The following SLC40A1 variants were observed in gnomAD, a reference collection of about 807,000 sequenced individuals.
SLC40A1 encodes the protein ferroportin.
In SLC40A1, 16 loss-of-function variants were observed where a neutral mutation model predicts 53.5. The observed-to-expected ratio is 0.30, with a 90% CI of 0.20 to 0.45. SLC40A1 has a LOEUF of 0.45. Ranked by LOEUF, SLC40A1 falls within the 20% of genes least tolerant of loss-of-function variation. The probability of loss-of-function intolerance (pLI) is 1.00; values close to 1 mark genes in which losing one functional copy is unlikely to be tolerated. For missense variants in SLC40A1, 545 were observed against 695.4 expected, an observed-to-expected ratio of 0.78 and a Z score of 2.43; for synonymous variants, 247 against 253.2, an observed-to-expected ratio of 0.98 and a Z score of 0.23.
chr2:189,573,638 T>G (rs974352874), intron 3 of SLC40A1, among the ~76,000 whole-genome samples: 10 of 152,202 alleles, frequency 6.6e-5, no homozygotes, highest in Non-Finnish European at 1.2e-4. Flanking sequence ...GCAGGATACC[T>G]AACATCTCTT....
At position 189,580,758 on chromosome 2, in the gene SLC40A1, A is replaced by C. The variant is rs1202944965; in HGVS notation, c.-298T>G. The C allele has an allele frequency of 7.6e-7, 1 of 1,319,358 alleles. No homozygotes were observed. Among genetic ancestry groups the C allele is most frequent in the Admixed American group, 3.3e-5 (1 of 30,208 alleles). 81.7% of individuals were successfully genotyped at this position (1,319,358 alleles called of 1,614,324 possible). ...TCGTCCGAGCCTAGCGGACGCCCTG[A>C]GCCAGCTCTCTCCGCCGCCGCCGCC... On this transcript the variant is annotated 5_prime_UTR_variant, in exon 1 of 8. Transcript: ENST00000261024.
intron 2 of SLC40A1, among the ~76,000 whole-genome samples, chr2:189,579,482 C>A (rs77459149): frequency 1.9e-3 from 293 of 152,266 alleles, no homozygotes; most frequent in African/African-American, 6.5e-3. Context: ...AGACATCCAT[C>A]CATCTTTTGT....
chr2:189,565,342 T>C lies in SLC40A1; in HGVS notation c.760+12A>G. 3 of 1,614,182 alleles carry C rather than the reference T, an allele frequency of 1.9e-6. No homozygotes were observed. Among genetic ancestry groups the C allele is most frequent in the East Asian group, 2.2e-5 (1 of 44,890 alleles). Reference sequence around the variant, plus strand: ...ATGAGAACAAAAGGAGAGATCATTGTGTTCAGTTTACCTTTGTGTAAATTC... The same window carrying C: ...ATGAGAACAAAAGGAGAGATCATTGCGTTCAGTTTACCTTTGTGTAAATTC... On this transcript the variant is annotated intron_variant, in intron 6 of 7. Coordinates refer to ENST00000261024, the MANE Select transcript of SLC40A1 (RefSeq NM_014585.6).
Position 189,563,571 on chromosome 2 carries a change from A to G in SLC40A1, c.1402+13T>C. On this transcript the variant is annotated intron_variant, in intron 7 of 7. Coordinates refer to ENST00000261024, the MANE Select transcript of SLC40A1 (RefSeq NM_014585.6). Reference sequence around the variant, plus strand: ...CACTTTAGTTCATTAATATATAAAAAGAGATTTCTTACCGATTCTAGCAGC... The same window carrying G: ...CACTTTAGTTCATTAATATATAAAAGGAGATTTCTTACCGATTCTAGCAGC... 6.2e-7 allele frequency: 1 copy of G among 1,611,214 alleles called. No homozygotes were observed. The highest frequency in any genetic ancestry group is 8.5e-7 in the Non-Finnish European group (1 of 1,178,440).
chr2:189,563,889 T>C lies in SLC40A1; in HGVS notation c.1097A>G (p.Lys366Arg). 1 of 1,614,118 alleles carries C rather than the reference T, an allele frequency of 6.2e-7. No homozygotes were observed. The highest frequency in any genetic ancestry group is 8.5e-7 in the Non-Finnish European group (1 of 1,180,022). The change falls in exon 7 of 8, where the codon AAA becomes AGA. Residue 366 changes from lysine (K) to arginine (R), a missense_variant. This residue lies in a region of SLC40A1 where 234 missense variants were observed against 299.0 expected (regional missense o/e 0.78). Transcript: ENST00000261024. ...GTVAFTWLRR[K>R]CGLVRTGLIS... ...CAGACCTGTCCGAACCAAACCACAT[T>C]TTCGACGTAGCCAAGTAAAAGCTAC... is the stretch of plus-strand genomic sequence containing the variant.
Position 189,580,769 on chromosome 2 carries a change from T to TCCTCCG in SLC40A1, c.-310_-309insCGGAGG, listed in dbSNP as rs1553495734. 8.3e-7 allele frequency: 1 copy of TCCTCCG among 1,206,880 alleles called. No homozygotes were observed. The highest frequency in any genetic ancestry group is 1.1e-6 in the Non-Finnish European group (1 of 951,818). 74.8% of individuals were successfully genotyped at this position (1,206,880 alleles called of 1,614,324 possible). On this transcript the variant is annotated 5_prime_UTR_variant, in exon 1 of 8. Transcript: ENST00000261024. ...TAGCGGACGCCCTGAGCCAGCTCTCTCCGCCGCCGCCGCCGCCGCCGTGGG... is the reference window on the plus strand; with the variant it reads ...TAGCGGACGCCCTGAGCCAGCTCTCTCCTCCGCCGCCGCCGCCGCCGCCGCCGTGGG...
In SLC40A1 at chr2:189,564,219, T is replaced by A. The variant is rs1424314710; in HGVS notation, c.767A>T (p.Glu256Val). The change falls in exon 7 of 8, where the codon GAG (glutamate) becomes GTG (valine). Residue 256 changes from glutamate (E) to valine (V), a missense_variant. Glu to Val is a moderately radical substitution (Grantham distance 121, BLOSUM62 -2). Coordinates refer to ENST00000261024, the MANE Select transcript of SLC40A1 (RefSeq NM_014585.6). ...ATGAGTTCCCTCCAGGGGTTTTGGC[T>A]CAGTATCTGTTAAGAAAAGATACCA... ...LKQLNLHKDTEPKPLEGTHLM... is the reference protein window; with the variant it reads ...LKQLNLHKDTVPKPLEGTHLM... The A allele has an allele frequency of 1.4e-5, 22 of 1,613,784 alleles. No homozygotes were observed. The highest frequency in any genetic ancestry group is 1.9e-5 in the Non-Finnish European group (22 of 1,179,658).
intron 3 of SLC40A1, 25 bp downstream of exon 3, chr2:189,575,136 G>A (rs777788694): frequency 1.2e-6 from 2 of 1,613,210 alleles, no homozygotes; most frequent in African/African-American, 2.7e-5. Context: ...TGAATAAAAG[G>A]GCTTAATTAT....
chr2:189,576,751 G>T (rs2105633305), intron 2 of SLC40A1, among the ~76,000 whole-genome samples: 1 of 152,284 alleles, frequency 6.6e-6, no homozygotes, highest in African/African-American at 2.4e-5. Flanking sequence ...CAAATGATAG[G>T]TTGCCTCTGT....
chr2:189,579,691 C>T (rs1242431481), intron 2 of SLC40A1, 122 bp downstream of exon 2: 2 of 864,616 alleles, frequency 2.3e-6, no homozygotes, highest in African/African-American at 1.7e-5. Context: ...AGCATGTGTA[C>T]TTGGATGATT....
chr2:189,579,088 C>T (rs1413868725), intron 2 of SLC40A1, among the ~76,000 whole-genome samples: 1 of 152,114 alleles, frequency 6.6e-6, no homozygotes, highest in African/African-American at 2.4e-5. Context: ...ATATCTAGCA[C>T]CCTTCTAGTT....
intron 5 of SLC40A1, among the ~76,000 whole-genome samples, chr2:189,566,022 ATATG>A (rs1168528252): frequency 6.6e-6 from 1 of 152,092 alleles, no homozygotes; most frequent in Admixed American, 6.6e-5. Flanking sequence ...ATCAACAAGC[ATATG>A]TGTGTGTGTG....
chr2:189,573,709 A>G (rs1019641792), intron 3 of SLC40A1, among the ~76,000 whole-genome samples: 1 of 152,214 alleles, frequency 6.6e-6, no homozygotes, highest in Non-Finnish European at 1.5e-5. Context: ...TAGGGTCATA[A>G]TGATGCTCAA....
In SLC40A1 at chr2:189,564,084, G is replaced by A; in HGVS notation, c.902C>T (p.Ser301Phe). ...PFRTFRDGWV[S>F]YYNQPVFLAG... ...CAGAAACACAGGCTGGTTGTAGTAG[G>A]AGACCCATCCATCTCGGAAGGTACG... The change falls in exon 7 of 8, where the codon TCC becomes TTC. Residue 301 changes from serine to phenylalanine, a missense_variant. Coordinates refer to ENST00000261024, the MANE Select transcript of SLC40A1 (RefSeq NM_014585.6). The A allele has an allele frequency of 1.2e-6, 2 of 1,611,234 alleles. No homozygotes were observed. The highest frequency in any genetic ancestry group is 1.7e-6 in the Non-Finnish European group (2 of 1,178,038).
Position 189,560,764 on chromosome 2 carries a change from A to T in SLC40A1, c.*1114T>A, listed in dbSNP as rs1255810280. 3 of 152,672 alleles carry T rather than the reference A, an allele frequency of 2.0e-5. No individual in the cohort carries two copies. Among genetic ancestry groups the T allele is most frequent in the Admixed American group, 6.5e-5 (1 of 15,282 alleles). 9.5% of individuals were successfully genotyped at this position (152,672 alleles called of 1,614,324 possible). A position where few individuals can be genotyped will look rare whatever the true frequency, so the allele number is the denominator to read the frequency against. On this transcript the variant is annotated 3_prime_UTR_variant, in exon 8 of 8. Coordinates refer to ENST00000261024, the MANE Select transcript of SLC40A1 (RefSeq NM_014585.6). ...GAAAGTGCATATAAACGGTTAAGGC[A>T]AAGTACCATCTTGGTACAGACATGT... is the stretch of plus-strand genomic sequence containing the variant.
At chr2:189,568,538 T>C (rs965297453) in intron 5 of SLC40A1, among the ~76,000 whole-genome samples, 1 of 151,814 alleles carries the variant, frequency 6.6e-6, no homozygotes, top group African/African-American at 2.4e-5. Flanking sequence ...TAGAAAAGAA[T>C]CAGTCTTATG....
intron 4 of SLC40A1, 100 bp from the exon 5 acceptor site, chr2:189,571,941 T>C: frequency 1.2e-6 from 1 of 806,444 alleles, no homozygotes; most frequent in Non-Finnish European, 2.2e-6. Context: ...GGTGGAATGA[T>C]AAAAAAAGTA....
intron 5 of SLC40A1, among the ~76,000 whole-genome samples, chr2:189,566,303 TAA>T (rs1211839479): frequency 6.6e-6 from 1 of 152,156 alleles, no homozygotes; most frequent in Non-Finnish European, 1.5e-5. Context: ...AAAGCTGATT[TAA>T]GAGACTGGTG....
At position 189,565,603 on chromosome 2, in the gene SLC40A1, G is replaced by GAGAGGCAGGTGAA. The variant is rs1194839348; in HGVS notation, c.515-17_515-5dup. On this transcript the variant is annotated splice_polypyrimidine_tract_variant and splice_region_variant and intron_variant, in intron 5 of 7. Coordinates refer to ENST00000261024, the MANE Select transcript of SLC40A1 (RefSeq NM_014585.6). ...CTTCGTATTGTGGCATTCATATCTA[G>GAGAGGCAGGTGAA]AGAGGCAGGTGAAAGAGGCAGGTAA... The GAGAGGCAGGTGAA allele has an allele frequency of 6.2e-7, 1 of 1,614,170 alleles. No homozygotes were observed. The highest frequency in any genetic ancestry group is 1.1e-5 in the South Asian group (1 of 91,072).
Sources: gnomAD v4.1 joint callset for allele counts (sites outside exome capture counted in the v4.1 genomes callset) on GRCh38, gnomAD v4.1.1 for gene constraint, gnomAD v4.1.1 regional missense constraint, MANE v1.5 for transcripts, NCBI Gene and HGNC (gene_info 2026-07-23, HGNC 2026-07-21) for gene names.